Variants in KCNMB2 observed in about 807,000 individuals in gnomAD.
KCNMB2 encodes calcium-activated potassium channel subunit beta-2.
KCNMB2 carries 9 observed loss-of-function variants against 24.5 expected under a neutral mutation model. That is an observed-to-expected ratio of 0.37 (90% CI 0.22 to 0.64). KCNMB2 has a LOEUF of 0.64. KCNMB2 is among the 30% of genes least tolerant of loss of function. The pLI, the probability that KCNMB2 is intolerant of heterozygous loss-of-function variation, is 0.63. For synonymous variants in KCNMB2, 109 were observed against 104.4 expected, an observed-to-expected ratio of 1.04 and a Z score of -0.27; for missense variants, 226 against 284.3, an observed-to-expected ratio of 0.79 and a Z score of 1.47.
At chr3:178,643,378 G>A (rs1235845094) in intron 1 of KCNMB2, among the ~76,000 whole-genome samples, 1 of 152,086 alleles carries the variant, frequency 6.6e-6, no homozygotes, top group Non-Finnish European at 1.5e-5. Context: ...ATGTGATAAA[G>A]TTGTATAGCC....
chr3:178,772,108 C>T (rs1261836672), intron 1 of KCNMB2, among the ~76,000 whole-genome samples: 1 of 152,124 alleles, frequency 6.6e-6, no homozygotes, highest in Admixed American at 6.6e-5. Context: ...CCCCTCCTCC[C>T]ACGTATCTTC....
intron 1 of KCNMB2, among the ~76,000 whole-genome samples, chr3:178,791,217 G>C (rs1713311197): frequency 6.6e-6 from 1 of 152,142 alleles, no homozygotes; most frequent in South Asian, 2.1e-4. Flanking sequence ...GAAGCTCAAT[G>C]GAATTCAAGA....
intron 1 of KCNMB2, among the ~76,000 whole-genome samples, chr3:178,779,503 A>G (rs1353939144): frequency 6.6e-6 from 1 of 152,222 alleles, no homozygotes; most frequent in Non-Finnish European, 1.5e-5. Context: ...AAAAAGTTCA[A>G]ACGTCATAGT....
At position 178,686,483 on chromosome 3, in the gene KCNMB2, T is replaced by C. The variant is rs866961426; in HGVS notation, c.-67-120860T>C. Among the ~76,000 whole-genome samples, 4 of 152,184 alleles carry C rather than the reference T, an allele frequency of 2.6e-5. No individual in the cohort carries two copies. In the South Asian group the frequency reaches 8.3e-4, roughly 31 times the overall value. ...TAAAGACGTTCTTTTCTTCTGAGTA[T>C]GGGAAGGGCACCTCTCAAATGAGGG... On this transcript the variant is annotated intron_variant, in intron 1 of 4. Transcript: ENST00000452583.
At chr3:178,733,792 GT>G (rs1723231492) in intron 1 of KCNMB2, among the ~76,000 whole-genome samples, 1 of 152,116 alleles carries the variant, frequency 6.6e-6, no homozygotes, top group Non-Finnish European at 1.5e-5. Flanking sequence ...AAATTTTTAA[GT>G]GATCATCTGG....
intron 1 of KCNMB2, among the ~76,000 whole-genome samples, chr3:178,602,754 G>A (rs1718131211): frequency 6.6e-6 from 1 of 152,088 alleles, no homozygotes; most frequent in South Asian, 2.1e-4. Context: ...CGTTGGTGAG[G>A]TTCTCATATT....
At chr3:178,745,088 C>T (rs1723620759) in intron 1 of KCNMB2, among the ~76,000 whole-genome samples, 1 of 152,186 alleles carries the variant, frequency 6.6e-6, no homozygotes, top group African/African-American at 2.4e-5. Context: ...GATTCACTGA[C>T]ATAAATCACA....
chr3:178,789,203 A>ACAGATGT (rs1344223651), intron 1 of KCNMB2, among the ~76,000 whole-genome samples: 4 of 152,224 alleles, frequency 2.6e-5, no homozygotes, highest in African/African-American at 9.6e-5. Context: ...TCCTCCTGAA[A>ACAGATGT]CAGATGTCAA....
intron 1 of KCNMB2, among the ~76,000 whole-genome samples, chr3:178,594,776 C>T (rs1717805379): frequency 6.6e-6 from 1 of 151,936 alleles, no homozygotes; most frequent in African/African-American, 2.4e-5. Context: ...GGAATGTTAA[C>T]ACATAAAAAG....
chr3:178,602,913 C>A (rs1349262720), intron 1 of KCNMB2, among the ~76,000 whole-genome samples: 1 of 152,188 alleles, frequency 6.6e-6, no homozygotes, highest in Non-Finnish European at 1.5e-5. Flanking sequence ...TACTGAGAAC[C>A]ACTAATGTAG....
At chr3:178,595,770 A>G (rs1158395828) in intron 1 of KCNMB2, among the ~76,000 whole-genome samples, 1 of 152,140 alleles carries the variant, frequency 6.6e-6, no homozygotes, top group African/African-American at 2.4e-5. Flanking sequence ...AGTCTCGGGT[A>G]TGTCTTTATT....
At chr3:178,758,027 GAT>G (rs1240194178) in intron 1 of KCNMB2, among the ~76,000 whole-genome samples, 4,127 of 6,862 alleles carry the variant, frequency 0.6, 1,201 homozygotes, top group Middle Eastern at 1. Context: ...ATATCTAGAG[GAT>G]ATATATATAT....
intron 1 of KCNMB2, among the ~76,000 whole-genome samples, chr3:178,616,314 T>G (rs1475039294): frequency 6.6e-6 from 1 of 152,236 alleles, no homozygotes; most frequent in Non-Finnish European, 1.5e-5. Context: ...GCTGTAGCCC[T>G]CAGTGGCAAG....
intron 4 of KCNMB2, among the ~76,000 whole-genome samples, chr3:178,840,808 A>G (rs1715400201): frequency 6.6e-6 from 1 of 152,238 alleles, no homozygotes; most frequent in Admixed American, 6.5e-5. Context: ...TGTGATGGGA[A>G]GAGCTGCTAC....
intron 4 of KCNMB2, among the ~76,000 whole-genome samples, chr3:178,828,925 C>CTG (rs71181254): frequency 0.019 from 2,667 of 142,628 alleles, 40 homozygotes; most frequent in East Asian, 0.072. Context: ...CCCATGGTCA[C>CTG]TGTGTGTGTG....
intron 1 of KCNMB2, among the ~76,000 whole-genome samples, chr3:178,537,965 A>G (rs926266510): frequency 6.6e-6 from 1 of 152,256 alleles, no homozygotes; most frequent in Middle Eastern, 3.2e-3. Context: ...ATACTAATGC[A>G]GAATTAACTA....
chr3:178,579,725 A>G (rs1717128297), intron 1 of KCNMB2, among the ~76,000 whole-genome samples: 1 of 152,226 alleles, frequency 6.6e-6, no homozygotes, highest in Admixed American at 6.5e-5. Context: ...AACTACCATC[A>G]GAGAACACTA....
chr3:178,727,391 C>A (rs1232631339), intron 1 of KCNMB2, among the ~76,000 whole-genome samples: 1 of 152,126 alleles, frequency 6.6e-6, no homozygotes, highest in Non-Finnish European at 1.5e-5. Context: ...GTAGTAGACA[C>A]CCTAAAGATG....
chr3:178,827,672 C>T (rs1714886425), intron 3 of KCNMB2, among the ~76,000 whole-genome samples: 1 of 152,206 alleles, frequency 6.6e-6, no homozygotes, highest in South Asian at 2.1e-4. Context: ...CCTTCCATCT[C>T]TGTCAAGCTG....
Sources: allele counts gnomAD v4.1 joint callset (sites outside exome capture counted in the v4.1 genomes callset), GRCh38; gene constraint gnomAD v4.1.1; transcripts MANE v1.5; gene names NCBI Gene and HGNC (gene_info 2026-07-23, HGNC 2026-07-21).